The following ARHGEF6 variants were observed in gnomAD, a reference collection of about 807,000 sequenced individuals.
ARHGEF6 encodes Rac/Cdc42 guanine nucleotide exchange factor 6, also known as rho guanine nucleotide exchange factor 6.
ARHGEF6 carries 9 observed loss-of-function variants against 70.3 expected under a neutral mutation model. That is an observed-to-expected ratio of 0.13 (90% CI 0.08 to 0.22). The LOEUF (loss-of-function observed/expected upper bound fraction) is 0.22, where lower values mean the gene tolerates loss of function less well. Among genes scored for constraint, ARHGEF6 ranks in the 10% least tolerant of loss-of-function variants. ARHGEF6 has a pLI of 1.00. For missense variants in ARHGEF6, 470 were observed against 563.0 expected (o/e 0.83, Z 1.67); for synonymous variants, 201 against 207.8 (o/e 0.97, Z 0.28).
intron 2 of ARHGEF6, chrX:136,767,362 C>T (rs1203011591): frequency 1.7e-5 from 13 of 755,106 alleles, no homozygotes; most frequent in Non-Finnish European, 1.9e-5. Context: ...GGGCTAGGCT[C>T]GCCCCAGCGG....
At chrX:136,686,601 T>TATATATATATATATATATACAC (rs2076392194) in intron 11 of ARHGEF6, among the ~76,000 whole-genome samples, 3 of 74,509 alleles carry the variant, frequency 4.0e-5, no homozygotes, top group African/African-American at 2.1e-4. Flanking sequence ...TGTGTATATA[T>TATATATATATATATATATACAC]ATATATATAT....
chrX:136,680,495 T>C (rs2076322683), intron 15 of ARHGEF6, among the ~76,000 whole-genome samples: 1 of 112,432 alleles, frequency 8.9e-6, no homozygotes, highest in African/African-American at 3.2e-5. Context: ...AGCAGTTAGT[T>C]GGGGTATCTG....
At chrX:136,748,675 AT>A (rs1160293450) in intron 2 of ARHGEF6, among the ~76,000 whole-genome samples, 1 of 111,452 alleles carries the variant, frequency 9.0e-6, no homozygotes, top group Non-Finnish European at 1.9e-5. Context: ...AGATTGCATC[AT>A]TTTTTCCCCA....
intron 5 of ARHGEF6, among the ~76,000 whole-genome samples, chrX:136,741,508 T>C (rs1206609425): frequency 2.7e-5 from 3 of 109,952 alleles, no homozygotes; most frequent in Non-Finnish European, 5.7e-5. Context: ...TCAAAAGTTA[T>C]ACATGGATTT....
At chrX:136,669,725 C>T in intron 20 of ARHGEF6, among the ~76,000 whole-genome samples, 189 bp from the exon 21 acceptor site, 1 of 112,199 alleles carries the variant, frequency 8.9e-6, no homozygotes, top group Non-Finnish European at 1.9e-5. Flanking sequence ...ACCACCACCA[C>T]ACATGCTTAG....
At chrX:136,754,283 G>A (rs911865901) in intron 2 of ARHGEF6, among the ~76,000 whole-genome samples, 1 of 111,287 alleles carries the variant, frequency 9.0e-6, no homozygotes, top group Non-Finnish European at 1.9e-5. Flanking sequence ...AATAAAGGGA[G>A]AGCAAAAGAG....
chrX:136,753,405 C>T (rs1319865406), intron 2 of ARHGEF6, among the ~76,000 whole-genome samples: 1 of 111,604 alleles, frequency 9.0e-6, no homozygotes, highest in Non-Finnish European at 1.9e-5. Context: ...CTTTATGAGG[C>T]TCCATTTCCC....
intron 17 of ARHGEF6, 94 bp downstream of exon 17, chrX:136,677,842 G>A: frequency 1.3e-6 from 1 of 757,665 alleles, no homozygotes; most frequent in Non-Finnish European, 1.9e-6. Flanking sequence ...TATAACAAGG[G>A]ACAAAACAAG....
chrX:136,732,133 G>A lies in ARHGEF6; in HGVS notation c.701C>T (p.Thr234Ile), dbSNP rs1376818944. The A allele has an allele frequency of 3.1e-5, 38 of 1,207,190 alleles. No individual in the cohort carries two copies. Among genetic ancestry groups the A allele is most frequent in the Non-Finnish European group, 4.1e-5 (37 of 893,148 alleles). ...LSPKAVKGFE[T>I]APLTKNYYTV... ...ATAATAATTCTTGGTAAGTGGAGCAGTTTCAAATCCTTTGACGGCTTTTGG... is the reference window on the plus strand; with the variant it reads ...ATAATAATTCTTGGTAAGTGGAGCAATTTCAAATCCTTTGACGGCTTTTGG... The change falls in exon 6 of 22, where the codon ACT (threonine) becomes ATT (isoleucine). Residue 234 changes from threonine to isoleucine, a missense_variant. Thr to Ile is a moderately conservative substitution (Grantham distance 89, BLOSUM62 -1). Transcript: ENST00000250617.
At chrX:136,736,953 C>T (rs1829264537) in intron 5 of ARHGEF6, among the ~76,000 whole-genome samples, 1 of 111,487 alleles carries the variant, frequency 9.0e-6, no homozygotes, top group African/African-American at 3.3e-5. Context: ...TGGCTTTGGG[C>T]TTGTTTTGTT....
intron 16 of ARHGEF6, among the ~76,000 whole-genome samples, chrX:136,679,106 T>G (rs758040919): frequency 8.9e-6 from 1 of 112,417 alleles, no homozygotes; most frequent in Non-Finnish European, 1.9e-5. Context: ...TTTGGACTCA[T>G]AGCTTGGTCC....
intron 9 of ARHGEF6, among the ~76,000 whole-genome samples, chrX:136,704,890 C>T (rs1036210449): frequency 5.4e-5 from 6 of 111,889 alleles, no homozygotes; most frequent in Non-Finnish European, 1.1e-4. Flanking sequence ...CACTTCATAT[C>T]CACTAATATG....
At chrX:136,717,457 G>A (rs1401252949) in intron 6 of ARHGEF6, among the ~76,000 whole-genome samples, 1 of 111,732 alleles carries the variant, frequency 8.9e-6, no homozygotes, top group East Asian at 2.8e-4. Context: ...TGCCTTGCAA[G>A]AAATGTTAAA....
rs758614562 is a variant in ARHGEF6, at chrX:136,692,382, G to A, written c.1047-1634C>T. Among the ~76,000 whole-genome samples the A allele has an allele frequency of 3.6e-5, 4 of 111,274 alleles. No homozygotes were observed. The East Asian group carries it at 8.5e-4, about 24-fold the overall frequency. On this transcript the variant is annotated intron_variant, in intron 9 of 21. Transcript: ENST00000250617. ...GCTGGGACTACAGGCATGAACCACC[G>A]CACCCAGCCTGCTGCTAATCCTTTT... is the stretch of plus-strand genomic sequence containing the variant.
chrX:136,698,518 C>A (rs1235786235), intron 9 of ARHGEF6, among the ~76,000 whole-genome samples: 5 of 111,730 alleles, frequency 4.5e-5, no homozygotes, highest in Non-Finnish European at 3.8e-5. Context: ...AAGAGAAGAA[C>A]AACTCGTCAT....
chrX:136,680,451 T>TG (rs772389637), intron 15 of ARHGEF6, among the ~76,000 whole-genome samples: 2 of 112,569 alleles, frequency 1.8e-5, no homozygotes, highest in Admixed American at 1.9e-4. Flanking sequence ...CATTAAAATA[T>TG]TTTAGCAGGA....
At position 136,780,861 on chromosome X, in the gene ARHGEF6, C is replaced by T. The variant is rs2077441720; in HGVS notation, c.22G>A (p.Val8Met). 11 of 1,211,478 alleles carry T rather than the reference C, an allele frequency of 9.1e-6. No homozygotes were observed. The highest frequency in any genetic ancestry group is 2.2e-5 in the Admixed American group (1 of 45,961). Reference sequence around the variant, plus strand: ...ACTCCCAAAGATATAAGCCATGTCACGATTTGTTCTTCTGGATTCATTACT... The same window carrying T: ...ACTCCCAAAGATATAAGCCATGTCATGATTTGTTCTTCTGGATTCATTACT... MNPEEQI[V>M]TWLISLGVLE... Residue 8 changes from valine to methionine, a missense_variant, in exon 1 of 22, where the codon GTG becomes ATG. By Grantham distance (21) the Val-to-Met change is conservative. Transcript: ENST00000250617.
At chrX:136,774,552 G>A (rs182084113) in intron 2 of ARHGEF6, among the ~76,000 whole-genome samples, 1 of 106,163 alleles carries the variant, frequency 9.4e-6, no homozygotes, top group East Asian at 3.0e-4. Context: ...TTGAGAGGCT[G>A]AGGCATGAGA....
At chrX:136,740,061 T>G (rs1047085923) in intron 5 of ARHGEF6, among the ~76,000 whole-genome samples, 2 of 110,782 alleles carry the variant, frequency 1.8e-5, no homozygotes, top group Non-Finnish European at 3.8e-5. Context: ...CAGGCTGGAG[T>G]GCAGTGGCAC....
Sources: allele counts gnomAD v4.1 joint callset (sites outside exome capture counted in the v4.1 genomes callset), GRCh38; gene constraint gnomAD v4.1.1; transcripts MANE v1.5; gene names NCBI Gene and HGNC (gene_info 2026-07-23, HGNC 2026-07-21).